The following BOP1 variants were observed in gnomAD, a reference collection of about 807,000 sequenced individuals.
BOP1 encodes the protein ribosome biogenesis protein BOP1.
Under a neutral mutation model 82.9 loss-of-function variants are expected in BOP1, and 54 were observed. The ratio of observed to expected loss-of-function variants is 0.65; its 90% CI spans 0.52 to 0.82. The LOEUF is 0.82. Ranked by LOEUF, BOP1 falls within the 40% of genes least tolerant of loss-of-function variation. The probability of loss-of-function intolerance (pLI) is 0.00; values close to 1 mark genes in which losing one functional copy is unlikely to be tolerated. For synonymous variants in BOP1, 566 were observed against 451.1 expected, an observed-to-expected ratio of 1.25 and a Z score of -3.23; for missense variants, 1,170 against 1,072.0, an observed-to-expected ratio of 1.09 and a Z score of -1.28.
intron 3 of BOP1, among the ~76,000 whole-genome samples, chr8:144,267,601 G>T (rs1264047379): frequency 6.6e-6 from 1 of 152,262 alleles, no homozygotes; most frequent in Non-Finnish European, 1.5e-5. Flanking sequence ...CTGCGGCCCA[G>T]CACTGGCTTA....
At chr8:144,279,569 G>A (rs1475051695) in intron 2 of BOP1, among the ~76,000 whole-genome samples, 1 of 152,220 alleles carries the variant, frequency 6.6e-6, no homozygotes, top group African/African-American at 2.4e-5. Flanking sequence ...AGGTTCTGGG[G>A]AGCGCTGGGG....
intron 2 of BOP1, among the ~76,000 whole-genome samples, chr8:144,279,691 A>G (rs1441145933): frequency 6.6e-6 from 1 of 152,190 alleles, no homozygotes; most frequent in African/African-American, 2.4e-5. Context: ...CCCGCCGCAA[A>G]TCTGGGTGGG....
intron 3 of BOP1, among the ~76,000 whole-genome samples, chr8:144,274,415 A>T (rs1209060599): frequency 6.6e-6 from 1 of 152,068 alleles, no homozygotes; most frequent in Non-Finnish European, 1.5e-5. Context: ...CCCACCTCCC[A>T]AGCCTCTTTC....
intron 2 of BOP1, among the ~76,000 whole-genome samples, chr8:144,286,023 G>A (rs1023954450): frequency 4.6e-5 from 7 of 152,220 alleles, no homozygotes; most frequent in Non-Finnish European, 7.3e-5. Context: ...CTGGGCTGCC[G>A]GCTGAGTTTC....
rs1162173159 is a variant in BOP1 at position 144,263,259 on chromosome 8, GCTC to G, written c.1564_1566del (p.Glu522del). On this transcript the variant is annotated inframe_deletion, in exon 12 of 16. Coordinates refer to ENST00000569669, the MANE Select transcript of BOP1 (RefSeq NM_015201.5). ...ATGCGCAGCCGCAGGCCCACTTGGC[GCTC>G]CTCCTCTGAGGCCTCCAGCCAGCGG... is the stretch of plus-strand genomic sequence containing the variant. 1.1e-5 allele frequency: 18 copies of G among 1,594,742 alleles called. No homozygotes were observed. In the African/African-American group the frequency reaches 1.7e-4, roughly 15 times the overall value.
chr8:144,263,011 T>C lies in BOP1; in HGVS notation c.1736A>G (p.His579Arg). 6.4e-7 allele frequency: 1 copy of C among 1,560,490 alleles called. No homozygotes were observed. The highest frequency in any genetic ancestry group is 8.6e-7 in the Non-Finnish European group (1 of 1,161,156). The change falls in exon 13 of 16, where the codon CAC becomes CGC. Residue 579 changes from histidine (H) to arginine (R), a missense_variant. By Grantham distance (29) the His-to-Arg change is conservative. Transcript: ENST00000569669. ...RRSQSPFRRS[H>R]GQVQRVAFHP... ...GAAGGCCACTCGCTGCACCTGTCCG[T>C]GGCTGCGGCGGAACGGACTCTGGCT... is the stretch of plus-strand genomic sequence containing the variant.
chr8:144,283,672 C>T (rs886640375), intron 2 of BOP1, among the ~76,000 whole-genome samples: 2 of 152,134 alleles, frequency 1.3e-5, no homozygotes, highest in Admixed American at 6.5e-5. Flanking sequence ...GAGCCTCATT[C>T]TTAATGAAAG....
At chr8:144,277,068 C>T (rs1371570467) in intron 2 of BOP1, among the ~76,000 whole-genome samples, 1 of 152,142 alleles carries the variant, frequency 6.6e-6, no homozygotes, top group Non-Finnish European at 1.5e-5. Flanking sequence ...ACTGGCGGAA[C>T]CAAGGCTGAT....
At chr8:144,267,714 G>C (rs1199964585) in intron 3 of BOP1, among the ~76,000 whole-genome samples, 8 of 152,174 alleles carry the variant, frequency 5.3e-5, no homozygotes, top group Admixed American at 4.6e-4. Context: ...CACGAAGGCA[G>C]AGGCTGGCAG....
intron 3 of BOP1, among the ~76,000 whole-genome samples, chr8:144,274,483 AAC>A (rs1845539557): frequency 6.6e-6 from 1 of 152,184 alleles, no homozygotes. Flanking sequence ...GCTCCAAGGG[AAC>A]AGAGGCCCAG....
chr8:144,283,364 G>A (rs998868042), intron 2 of BOP1, among the ~76,000 whole-genome samples: 1 of 152,224 alleles, frequency 6.6e-6, no homozygotes, highest in Non-Finnish European at 1.5e-5. Flanking sequence ...CTGCCCTTGG[G>A]CAACAGCCAT....
chr8:144,289,185 A>T lies in BOP1; in HGVS notation c.219T>A (p.Asp73Glu), dbSNP rs201751027. 1.2e-6 allele frequency: 2 copies of T among 1,614,134 alleles called. No homozygotes were observed. Among genetic ancestry groups the T allele is most frequent in the East Asian group, 2.2e-5 (1 of 44,874 alleles). ...LEDSGSDSSE[D>E]DDEGDEEGED... Reference sequence around the variant, plus strand: ...CTCCCTCCTCGTCGCCTTCGTCATCATCCTCACTGCTGTCACTGCCGGAAT... The same window carrying T: ...CTCCCTCCTCGTCGCCTTCGTCATCTTCCTCACTGCTGTCACTGCCGGAAT... Residue 73 changes from aspartate to glutamate, a missense_variant, in exon 2 of 16, where the codon GAT becomes GAA. Coordinates refer to ENST00000569669, the MANE Select transcript of BOP1 (RefSeq NM_015201.5).
At position 144,268,130 on chromosome 8, in the gene BOP1, G is replaced by T. The variant is rs1356142514; in HGVS notation, c.391-3059C>A. The T allele has an allele frequency of 2.6e-6, 4 of 1,551,724 alleles. No homozygotes were observed. The Admixed American group carries it at 5.9e-5, about 23-fold the overall frequency. On this transcript the variant is annotated intron_variant, in intron 3 of 15. Transcript: ENST00000569669. ...GCAAGGACCGCGACAGAAAGACAGC[G>T]ATTCGCAGTTAGGAGGTGGCCGGCA...
At chr8:144,271,551 G>A (rs576739015) in intron 3 of BOP1, among the ~76,000 whole-genome samples, 2,473 of 152,278 alleles carry the variant, frequency 0.016, 60 homozygotes, top group African/African-American at 0.056. Flanking sequence ...CTTCCTGTGC[G>A]ACGTGAGGCC....
chr8:144,270,031 G>T (rs946010550), intron 3 of BOP1, among the ~76,000 whole-genome samples: 1 of 152,310 alleles, frequency 6.6e-6, no homozygotes, highest in South Asian at 2.1e-4. Flanking sequence ...CCAGACCTGG[G>T]CCTAGTGGGG....
chr8:144,262,774 A>ACCCCCCCCCCCCCCC (rs1384091649), intron 13 of BOP1, 79 bp downstream of exon 13: 1 of 603,662 alleles, frequency 1.7e-6, no homozygotes, highest in Non-Finnish European at 2.5e-6. Context: ...CACTGCCCCT[A>ACCCCCCCCCCCCCCC]CCCCCACCCC....
At chr8:144,272,379 C>A (rs1261545186) in intron 3 of BOP1, among the ~76,000 whole-genome samples, 1 of 152,172 alleles carries the variant, frequency 6.6e-6, no homozygotes, top group Non-Finnish European at 1.5e-5. Context: ...CCGTCCCCTG[C>A]AGAACAGCCC....
chr8:144,276,689 AG>A (rs879016080), intron 2 of BOP1, among the ~76,000 whole-genome samples: 2 of 152,180 alleles, frequency 1.3e-5, no homozygotes, highest in Non-Finnish European at 2.9e-5. Flanking sequence ...GACTCCTCCC[AG>A]GGGCCCCACA....
chr8:144,267,009 G>C (rs1845385710), intron 3 of BOP1: 1 of 1,537,154 alleles, frequency 6.5e-7, no homozygotes. Context: ...ACGTGCTGCT[G>C]GCGGGCGAGG....
Sources: gnomAD v4.1 joint callset for allele counts (sites outside exome capture counted in the v4.1 genomes callset) on GRCh38, gnomAD v4.1.1 for gene constraint, MANE v1.5 for transcripts, NCBI Gene and HGNC (gene_info 2026-07-23, HGNC 2026-07-21) for gene names.